ADGRV1: variants seen among roughly 807,000 people sequenced by gnomAD.
The protein encoded by ADGRV1 is adhesion G protein-coupled receptor V1.
In ADGRV1, 359 loss-of-function variants were observed where a neutral mutation model predicts 596.2. The observed-to-expected ratio is 0.60, with a 90% confidence interval of 0.55 to 0.66. ADGRV1 has a LOEUF of 0.66. ADGRV1 is among the 30% of genes least tolerant of loss of function. ADGRV1 has a pLI of 0.00. For missense variants in ADGRV1, 7,274 were observed against 7,575.6 expected (o/e 0.96, Z 1.48); for synonymous variants, 2,681 against 2,679.2 (o/e 1.00, Z -0.02).
rs876657472 is a variant in ADGRV1, at chr5:90,823,486, C to A, written c.16258C>A (p.Gln5420Lys). The change falls in exon 76 of 90, where the codon CAG becomes AAG. Residue 5420 changes from glutamine (Q) to lysine (K), a missense_variant. Transcript: ENST00000405460. ...VTLNKTVVVL[Q>K]KDGVNLVEEL... ...ACTTAACAAAACAGTCGTCGTGCTC[C>A]AGAAGGATGGGGTAAACCTGGTGGA... The A allele has an allele frequency of 5.0e-6, 8 of 1,613,760 alleles. No individual in the cohort carries two copies. Among genetic ancestry groups the A allele is most frequent in the African/African-American group, 2.7e-5 (2 of 74,916 alleles).
At chr5:90,823,376 A>G in intron 75 of ADGRV1, 49 bp from the exon 76 acceptor site, 1 of 1,566,484 alleles carries the variant, frequency 6.4e-7, no homozygotes, top group Non-Finnish European at 8.7e-7. Context: ...TCTATTAGAC[A>G]TGGGGATGAC....
At chr5:91,071,769 G>T (rs905494305) in intron 85 of ADGRV1, among the ~76,000 whole-genome samples, 18 of 151,988 alleles carry the variant, frequency 1.2e-4, no homozygotes, top group Non-Finnish European at 2.2e-4. Context: ...CTGCCTCCCG[G>T]TTTCAAGCAA....
intron 17 of ADGRV1, 52 bp downstream of exon 17, chr5:90,647,816 A>G: frequency 6.6e-7 from 1 of 1,522,818 alleles, no homozygotes; most frequent in South Asian, 1.2e-5. Context: ...CTTTAATAAG[A>G]TGAAATTAAG....
intron 74 of ADGRV1, among the ~76,000 whole-genome samples, chr5:90,811,930 T>C (rs972633466): frequency 1.2e-5 from 1 of 85,434 alleles, no homozygotes; most frequent in Admixed American, 2.0e-4. Context: ...CATACTGTAT[T>C]TTTTTTTTTT....
intron 88 of ADGRV1, 100 bp downstream of exon 88, chr5:91,150,321 C>A: frequency 2.2e-6 from 2 of 903,402 alleles, no homozygotes; most frequent in Non-Finnish European, 3.2e-6. Flanking sequence ...CATTGACAGG[C>A]TCTCCACCTC....
At chr5:91,119,944 T>C (rs544536763) in intron 87 of ADGRV1, among the ~76,000 whole-genome samples, 3 of 152,284 alleles carry the variant, frequency 2.0e-5, no homozygotes, top group African/African-American at 7.2e-5. Flanking sequence ...CAAAGGAAAA[T>C]GGTTCTTACT....
intron 58 of ADGRV1, among the ~76,000 whole-genome samples, chr5:90,761,985 C>T (rs962259008): frequency 3.3e-5 from 5 of 152,004 alleles, no homozygotes; most frequent in African/African-American, 9.7e-5. Context: ...TAGCATTATT[C>T]GGTGACACAG....
At position 90,879,309 on chromosome 5, in the gene ADGRV1, A is replaced by C. The variant is rs867128359; in HGVS notation, c.17856+15452A>C. 9.8e-5 allele frequency among the ~76,000 whole-genome samples: 15 copies of C among 152,322 alleles called. 1 individual carries two copies. Among genetic ancestry groups the C allele is most frequent in the Middle Eastern group, 3.4e-3 (1 of 294 alleles). ...ATCATATTCATTTGAAAAGCAATCC[A>C]TATGCACATTTTGGAAACAAAAGAA... On this transcript the variant is annotated intron_variant, in intron 83 of 89. Transcript: ENST00000405460.
intron 21 of ADGRV1, among the ~76,000 whole-genome samples, chr5:90,659,006 G>T (rs1320165666): frequency 1.3e-5 from 2 of 152,122 alleles, no homozygotes; most frequent in African/African-American, 4.8e-5. Flanking sequence ...AAATTGAAAT[G>T]ATTTTTTAAA....
At position 90,895,481 on chromosome 5, in the gene ADGRV1, G is replaced by A. The variant is rs972911431; in HGVS notation, c.17856+31624G>A. Among the ~76,000 whole-genome samples the A allele has an allele frequency of 3.9e-5, 6 of 152,298 alleles. No homozygotes were observed. The South Asian group carries it at 8.3e-4, about 21-fold the overall frequency. The stretch of plus-strand genomic sequence containing the variant: ...TGCAAAGGCCCAGAGGCCTGAAAAA[G>A]CTTGGCATGCTTGAGCAACAAAGTG... On this transcript the variant is annotated intron_variant, in intron 83 of 89. Transcript: ENST00000405460.
chr5:90,864,964 A>G (rs1767955529), intron 83 of ADGRV1, among the ~76,000 whole-genome samples: 1 of 152,128 alleles, frequency 6.6e-6, no homozygotes. Context: ...TGAACTCTGG[A>G]TAGAACTTGA....
At chr5:90,674,373 TA>T in intron 23 of ADGRV1, 139 bp downstream of exon 23, 2 of 483,606 alleles carry the variant, frequency 4.1e-6, no homozygotes, top group Non-Finnish European at 7.1e-6. Flanking sequence ...CTTTAACTTG[TA>T]TGCTACTGTT....
At chr5:90,666,480 A>C (rs1046107592) in intron 21 of ADGRV1, among the ~76,000 whole-genome samples, 13 of 151,486 alleles carry the variant, frequency 8.6e-5, no homozygotes, top group African/African-American at 2.9e-4. Flanking sequence ...GATTTTCCTC[A>C]ATCTTTTTAT....
At chr5:90,559,459 A>G (rs1329510516) in intron 1 of ADGRV1, among the ~76,000 whole-genome samples, 1 of 152,154 alleles carries the variant, frequency 6.6e-6, no homozygotes, top group African/African-American at 2.4e-5. Flanking sequence ...GCTATAGAAT[A>G]ATATGTATAT....
At position 90,692,606 on chromosome 5, in the gene ADGRV1, T is replaced by C; in HGVS notation, c.6953T>C (p.Val2318Ala). The C allele has an allele frequency of 6.2e-7, 1 of 1,604,550 alleles. No individual in the cohort carries two copies. Among genetic ancestry groups the C allele is most frequent in the Non-Finnish European group, 8.5e-7 (1 of 1,175,986 alleles). ...AGGAAGTTTTCACTGTATTTTTAGG[T>C]TATCCAAGTGCAACTAACTGATGCC... ...LADDVPEIEE[V>A]IQVQLTDASG... The change falls in exon 32 of 90, where the codon GTT becomes GCT. Residue 2318 changes from valine (V) to alanine (A), a missense_variant and splice_region_variant. Val to Ala is a moderately conservative substitution (Grantham distance 64). This residue lies in a region of ADGRV1 where 3,643 missense variants were observed against 3,809.2 expected (regional missense o/e 0.96). Transcript: ENST00000405460.
Position 90,876,480 on chromosome 5 carries a change from A to T in ADGRV1, c.17856+12623A>T, listed in dbSNP as rs145708685. ...TGCAGGCATCTAAGAGATTAACCCCAGGAAGCCAGAGTAGCTGAATTGCCA... is the reference window on the plus strand; with the variant it reads ...TGCAGGCATCTAAGAGATTAACCCCTGGAAGCCAGAGTAGCTGAATTGCCA... On this transcript the variant is annotated intron_variant, in intron 83 of 89. Coordinates refer to ENST00000405460, the MANE Select transcript of ADGRV1 (RefSeq NM_032119.4). Among the ~76,000 whole-genome samples the T allele has an allele frequency of 3.9e-5, 6 of 152,306 alleles. No individual in the cohort carries two copies. In the East Asian group the frequency reaches 1.2e-3, roughly 29 times the overall value.
chr5:91,067,958 T>C (rs1788028011), intron 85 of ADGRV1, among the ~76,000 whole-genome samples: 1 of 152,166 alleles, frequency 6.6e-6, no homozygotes, highest in South Asian at 2.1e-4. Context: ...CATGTGCCCT[T>C]CATGTGGAAG....
chr5:90,811,462 A>G, intron 74 of ADGRV1, 124 bp downstream of exon 74: 5 of 924,602 alleles, frequency 5.4e-6, no homozygotes, highest in South Asian at 1.9e-5. Flanking sequence ...GGAATGCATT[A>G]AAGTGTTGTT....
intron 83 of ADGRV1, chr5:90,899,368 C>T (rs528583201): frequency 6.6e-6 from 1 of 152,314 alleles, no homozygotes; most frequent in South Asian, 2.1e-4. Flanking sequence ...CTCCAGTCCA[C>T]TTAGGGAACT....
Sources: allele counts gnomAD v4.1 joint callset (sites outside exome capture counted in the v4.1 genomes callset), GRCh38; gene constraint gnomAD v4.1.1; regional missense constraint gnomAD v4.1.1; transcripts MANE v1.5; gene names NCBI Gene and HGNC (gene_info 2026-07-23, HGNC 2026-07-21).